KDM4B: variants seen among roughly 807,000 people sequenced by gnomAD.
KDM4B encodes the protein lysine demethylase 4B, also known as lysine-specific demethylase 4B.
Under a neutral mutation model 125.2 loss-of-function variants are expected in KDM4B, and 32 were observed. The ratio of observed to expected loss-of-function variants is 0.26; its 90% CI spans 0.19 to 0.34. The LOEUF (loss-of-function observed/expected upper bound fraction) is 0.34, where lower values mean the gene tolerates loss of function less well. KDM4B is among the 10% of genes least tolerant of loss of function. The probability of loss-of-function intolerance (pLI) is 1.00; values close to 1 mark genes in which losing one functional copy is unlikely to be tolerated. For synonymous variants in KDM4B, 721 were observed against 677.9 expected, an observed-to-expected ratio of 1.06 and a Z score of -0.99; for missense variants, 1,190 against 1,577.7, an observed-to-expected ratio of 0.75 and a Z score of 4.16.
In KDM4B at chr19:5,096,437, G is replaced by A. The variant is rs758270683; in HGVS notation, c.918+13933G>A. On this transcript the variant is annotated intron_variant, in intron 9 of 22. Transcript: ENST00000159111. ...CCCCATCCGGACTCCTGGCAGCATG[G>A]AGTGGTGTCACCTTGGATGGGGAGC... Among the ~76,000 whole-genome samples, 4 of 152,228 alleles carry A rather than the reference G, an allele frequency of 2.6e-5. No individual in the cohort carries two copies. The East Asian group carries it at 7.7e-4, about 29-fold the overall frequency.
At chr19:5,027,287 G>A (rs1043610648) in intron 2 of KDM4B, among the ~76,000 whole-genome samples, 3 of 152,216 alleles carry the variant, frequency 2.0e-5, no homozygotes, top group African/African-American at 7.2e-5. Flanking sequence ...CAGGAAGGAT[G>A]TGTCTCTCTG....
chr19:5,107,790 T>C (rs1342042616), intron 9 of KDM4B, among the ~76,000 whole-genome samples: 1 of 152,192 alleles, frequency 6.6e-6, no homozygotes, highest in African/African-American at 2.4e-5. Flanking sequence ...TCTCCCACAC[T>C]GTGGCCCTGC....
At chr19:5,037,084 A>ATCAT (rs944751329) in intron 3 of KDM4B, among the ~76,000 whole-genome samples, 1 of 152,242 alleles carries the variant, frequency 6.6e-6, no homozygotes, top group Non-Finnish European at 1.5e-5. Context: ...GAGCAGAGGA[A>ATCAT]TCGGGAGCGA....
At chr19:5,029,996 TG>T (rs1414544858) in intron 2 of KDM4B, among the ~76,000 whole-genome samples, 1 of 152,248 alleles carries the variant, frequency 6.6e-6, no homozygotes, top group African/African-American at 2.4e-5. Context: ...TAACCTGCCA[TG>T]GGCTTTTGTC....
Position 5,114,108 on chromosome 19 carries a change from G to A in KDM4B, c.1115+3290G>A, listed in dbSNP as rs1025719391. 9.3e-6 allele frequency: 12 copies of A among 1,289,344 alleles called. No individual in the cohort carries two copies. In the Admixed American group the frequency reaches 2.3e-4, roughly 25 times the overall value. 79.9% of individuals were successfully genotyped at this position (1,289,344 alleles called of 1,614,324 possible). A position where few individuals can be genotyped will look rare whatever the true frequency, so the allele number is the denominator to read the frequency against. ...CTCCCCACTCCCGGTGGCGCTGTGC[G>A]TTCTGGTGCCCTGCCTGAGCCGGAG... On this transcript the variant is annotated intron_variant, in intron 10 of 22. Coordinates refer to ENST00000159111, the MANE Select transcript of KDM4B (RefSeq NM_015015.3). This position sits in a 1 kb window ranked among gnomAD's most constrained non-coding sequence, Gnocchi z 5.8.
intron 6 of KDM4B, among the ~76,000 whole-genome samples, chr19:5,055,131 C>T (rs568665838): frequency 6.6e-6 from 1 of 152,238 alleles, no homozygotes; most frequent in Non-Finnish European, 1.5e-5. Flanking sequence ...TAAGCAATTG[C>T]GGCCCGATTG....
At chr19:5,048,775 G>A (rs775022072) in intron 6 of KDM4B, among the ~76,000 whole-genome samples, 9 of 152,248 alleles carry the variant, frequency 5.9e-5, no homozygotes, top group South Asian at 4.1e-4. Context: ...CCAGGGGTGC[G>A]TGGGCAGCGG....
chr19:5,013,879 T>C (rs564287633), intron 1 of KDM4B, among the ~76,000 whole-genome samples: 6 of 152,304 alleles, frequency 3.9e-5, no homozygotes, highest in Non-Finnish European at 8.8e-5. Flanking sequence ...TCGGGTTCAG[T>C]TGGTGACAGT....
chr19:5,030,282 G>A (rs912582350), intron 2 of KDM4B, among the ~76,000 whole-genome samples: 17 of 152,106 alleles, frequency 1.1e-4, no homozygotes, highest in Non-Finnish European at 1.6e-4. Flanking sequence ...CTTTCCTGTC[G>A]TACAGAGCAC....
At chr19:4,984,218 G>C (rs941944701) in intron 1 of KDM4B, among the ~76,000 whole-genome samples, 1 of 152,238 alleles carries the variant, frequency 6.6e-6, no homozygotes, top group Non-Finnish European at 1.5e-5. Context: ...GCGCTGGCCA[G>C]GTTGGGCCCC....
At chr19:5,096,844 G>A (rs2145936288) in intron 9 of KDM4B, among the ~76,000 whole-genome samples, 1 of 152,276 alleles carries the variant, frequency 6.6e-6, no homozygotes, top group East Asian at 1.9e-4. Context: ...TGTTGCCGTG[G>A]CGCCTGCCTG....
intron 9 of KDM4B, among the ~76,000 whole-genome samples, chr19:5,091,259 T>A (rs1229425343): frequency 6.6e-6 from 1 of 151,258 alleles, no homozygotes; most frequent in African/African-American, 2.4e-5. Context: ...ACGGGGAGAG[T>A]TGACTGAGGA....
intron 2 of KDM4B, among the ~76,000 whole-genome samples, chr19:5,028,062 G>A (rs1443733509): frequency 2.0e-5 from 3 of 152,090 alleles, no homozygotes; most frequent in Non-Finnish European, 4.4e-5. Flanking sequence ...CTGCAGCCTC[G>A]AAATCCTGGC....
At chr19:5,097,951 T>TG (rs1392468906) in intron 9 of KDM4B, among the ~76,000 whole-genome samples, 3 of 152,152 alleles carry the variant, frequency 2.0e-5, no homozygotes, top group Admixed American at 6.5e-5. Context: ...ATCTCAGGCA[T>TG]GGGGGGCGCA....
At chr19:5,033,142 A>G in intron 3 of KDM4B, 111 bp downstream of exon 3, 1 of 1,313,350 alleles carries the variant, frequency 7.6e-7, no homozygotes, top group Non-Finnish European at 1.1e-6. Context: ...GTGCACGTGG[A>G]ATGTGTTTCG....
chr19:5,043,611 G>A (rs139357108), intron 5 of KDM4B, among the ~76,000 whole-genome samples: 1,956 of 142,652 alleles, frequency 0.014, 27 homozygotes, highest in East Asian at 0.03. Context: ...CATATCCTGC[G>A]TGGGGTTTAT....
At chr19:5,113,802 G>A (rs557971825) in intron 10 of KDM4B, 3 of 773,766 alleles carry the variant, frequency 3.9e-6, no homozygotes, top group Middle Eastern at 6.7e-4. Context: ...ATGGCATCAG[G>A]GTGGGCGCCA....
intron 1 of KDM4B, among the ~76,000 whole-genome samples, chr19:4,993,302 G>A (rs954739562): frequency 2.0e-5 from 3 of 152,048 alleles, no homozygotes; most frequent in Admixed American, 6.6e-5. Flanking sequence ...CCAGCTACTC[G>A]GGAGGCTGAG....
chr19:5,122,634 A>T (rs1269316035), intron 11 of KDM4B, among the ~76,000 whole-genome samples: 1 of 152,264 alleles, frequency 6.6e-6, no homozygotes, highest in Non-Finnish European at 1.5e-5. Flanking sequence ...ATGAACCTTT[A>T]AGAAAGTGAG....
Sources: gnomAD v4.1 joint callset for allele counts (sites outside exome capture counted in the v4.1 genomes callset) on GRCh38, gnomAD v4.1.1 for gene constraint, Gnocchi (gnomAD v3.1) non-coding constraint, MANE v1.5 for transcripts, NCBI Gene and HGNC (gene_info 2026-07-23, HGNC 2026-07-21) for gene names.